The following UCHL5 variants were observed in gnomAD, a reference collection of about 807,000 sequenced individuals.
UCHL5 encodes ubiquitin carboxyl-terminal hydrolase isozyme L5.
Under a neutral mutation model 53.8 loss-of-function variants are expected in UCHL5, and 34 were observed. The observed-to-expected ratio is 0.63, with a 90% confidence interval of 0.48 to 0.84. The LOEUF is 0.84. Ranked by LOEUF, UCHL5 falls within the 40% of genes least tolerant of loss-of-function variation. The pLI is 0.00. For synonymous variants in UCHL5, 111 were observed against 126.3 expected (o/e 0.88, Z 0.81); for missense variants, 290 against 385.6 (o/e 0.75, Z 2.08).
At chr1:193,021,772 T>C (rs1294401737) in intron 9 of UCHL5, among the ~76,000 whole-genome samples, 3 of 152,242 alleles carry the variant, frequency 2.0e-5, no homozygotes, top group African/African-American at 7.2e-5. Context: ...CCATCTCTTA[T>C]AAATTCATTT....
intron 1 of UCHL5, among the ~76,000 whole-genome samples, chr1:193,055,683 A>G (rs1670412546): frequency 6.6e-6 from 1 of 152,230 alleles, no homozygotes. Flanking sequence ...AATATGGTGC[A>G]TTACATTGAT....
rs949327326 is a variant in UCHL5 at position 193,015,669 on chromosome 1, C to A, written c.*682G>T. On this transcript the variant is annotated 3_prime_UTR_variant, in exon 11 of 11. Transcript: ENST00000367454. ...TTTAAGATTTACAATTTCTTCTTAA[C>A]CTGAAATTTTGCTTTGAAGCATAAT... 1 of 151,966 alleles carries A rather than the reference C, an allele frequency of 6.6e-6. No homozygotes were observed. The highest frequency in any genetic ancestry group is 1.9e-4 in the East Asian group (1 of 5,194). The allele number at this position is 151,966 out of a possible 1,614,324, so 9.4% of individuals were successfully genotyped here. A position where few individuals can be genotyped will look rare whatever the true frequency, so the allele number is the denominator to read the frequency against.
At chr1:193,041,113 A>AT (rs765947726) in intron 3 of UCHL5, among the ~76,000 whole-genome samples, 1 of 152,186 alleles carries the variant, frequency 6.6e-6, no homozygotes, top group East Asian at 1.9e-4. Context: ...AATCTATCAT[A>AT]TATTTCAAAA....
At chr1:193,020,970 A>G (rs1656779607) in intron 10 of UCHL5, 127 bp downstream of exon 10, 1 of 664,188 alleles carries the variant, frequency 1.5e-6, no homozygotes, top group Non-Finnish European at 2.5e-6. Context: ...CAAGAGGCAA[A>G]AGCAAAAGAA....
At chr1:193,035,576 T>G (rs72738594) in intron 3 of UCHL5, among the ~76,000 whole-genome samples, 8,767 of 152,140 alleles carry the variant, frequency 0.058, 345 homozygotes, top group Non-Finnish European at 0.088. Flanking sequence ...CGAGACTTGT[T>G]TTATGAGAAA....
intron 6 of UCHL5, among the ~76,000 whole-genome samples, chr1:193,028,849 G>A (rs1212342419): frequency 1.3e-5 from 2 of 152,030 alleles, no homozygotes; most frequent in African/African-American, 2.4e-5. Context: ...TATCCCTTAC[G>A]AATGGGTTAA....
At chr1:193,032,491 C>A (rs990047598) in intron 3 of UCHL5, among the ~76,000 whole-genome samples, 1 of 152,070 alleles carries the variant, frequency 6.6e-6, no homozygotes, top group African/African-American at 2.4e-5. Flanking sequence ...ACTAAAACAC[C>A]AAAAGCAATT....
intron 8 of UCHL5, 43 bp downstream of exon 8, chr1:193,023,801 A>C: frequency 6.9e-7 from 1 of 1,444,336 alleles, no homozygotes; most frequent in Non-Finnish European, 9.6e-7. Flanking sequence ...TCCTGAGAGA[A>C]TAACCAAGCT....
At position 193,012,533 on chromosome 1, in the gene UCHL5, G is replaced by C. The variant is rs1328621382; in HGVS notation, c.*3818C>G. ...AATCCACTTGTACAGTGTTAGTTCA[G>C]TACTAGAGAAGTTCTGCCTATATGC... On this transcript the variant is annotated 3_prime_UTR_variant, in exon 11 of 11. Transcript: ENST00000367454. The C allele has an allele frequency of 6.6e-6, 1 of 152,044 alleles. No homozygotes were observed. The highest frequency in any genetic ancestry group is 1.5e-5 in the Non-Finnish European group (1 of 68,006). 9.4% of individuals were successfully genotyped at this position (152,044 alleles called of 1,614,324 possible).
At chr1:193,052,371 G>A (rs1669326600) in intron 1 of UCHL5, among the ~76,000 whole-genome samples, 1 of 152,144 alleles carries the variant, frequency 6.6e-6, no homozygotes, top group African/African-American at 2.4e-5. Context: ...ATTTGGCAAT[G>A]ATAGACTTTT....
At position 193,013,469 on chromosome 1, in the gene UCHL5, G is replaced by A. The variant is rs1654448129; in HGVS notation, c.*2882C>T. On this transcript the variant is annotated 3_prime_UTR_variant, in exon 11 of 11. Coordinates refer to ENST00000367454, the MANE Select transcript of UCHL5 (RefSeq NM_001199261.3). ...TCATAGAACTATTTCAGACTATGGGGAGGGCAAGCAAGACTAACACACAAA... is the reference window on the plus strand; with the variant it reads ...TCATAGAACTATTTCAGACTATGGGAAGGGCAAGCAAGACTAACACACAAA... 6.6e-6 allele frequency: 1 copy of A among 152,148 alleles called. No homozygotes were observed. The highest frequency in any genetic ancestry group is 1.5e-5 in the Non-Finnish European group (1 of 68,028). 9.4% of individuals were successfully genotyped at this position (152,148 alleles called of 1,614,324 possible). A position where few individuals can be genotyped will look rare whatever the true frequency, so the allele number is the denominator to read the frequency against.
At chr1:193,018,584 C>A in intron 10 of UCHL5, 1 of 1,225,256 alleles carries the variant, frequency 8.2e-7, no homozygotes, top group Non-Finnish European at 1.0e-6. Context: ...TAGGTTCTAA[C>A]CAAGTTCATT....
Position 193,023,888 on chromosome 1 carries a change from T to A in UCHL5, c.688A>T (p.Ile230Leu). The change falls in exon 8 of 11, where the codon ATA becomes TTA. Residue 230 changes from isoleucine (I) to leucine (L), a missense_variant. Physicochemically the swap from Ile to Leu is conservative, Grantham distance 5 (BLOSUM62 2). Coordinates refer to ENST00000367454, the MANE Select transcript of UCHL5 (RefSeq NM_001199261.3). The part of the protein sequence containing the change: ...LMAIVSDRKM[I>L]YEQKIAELQR... Reference sequence around the variant, plus strand: ...AACTCTGCTATCTTCTGCTCATATATCATTTTTCTGTCAGACACAATGGCC... The same window carrying A: ...AACTCTGCTATCTTCTGCTCATATAACATTTTTCTGTCAGACACAATGGCC... 1 of 1,613,196 alleles carries A rather than the reference T, an allele frequency of 6.2e-7. No individual in the cohort carries two copies. The highest frequency in any genetic ancestry group is 8.5e-7 in the Non-Finnish European group (1 of 1,179,746).
chr1:193,028,077 G>A lies in UCHL5; in HGVS notation c.629+8C>T, dbSNP rs772782858. The A allele has an allele frequency of 2.5e-6, 4 of 1,602,824 alleles. No homozygotes were observed. The highest frequency in any genetic ancestry group is 3.4e-6 in the Non-Finnish European group (4 of 1,177,304). ...ATATTATGCCAATGAGATTAGCTGAGCATTTACTTTTGTATCCTTTTTTCT... is the reference window on the plus strand; with the variant it reads ...ATATTATGCCAATGAGATTAGCTGAACATTTACTTTTGTATCCTTTTTTCT... On this transcript the variant is annotated splice_region_variant and intron_variant, in intron 7 of 10. Transcript: ENST00000367454.
rs1240498477 is a variant in UCHL5, at chr1:193,028,156, GA to G, written c.566-9del. 1 of 1,580,674 alleles carries G rather than the reference GA, an allele frequency of 6.3e-7. No homozygotes were observed. ...CATCTTGATTGCATGCACCTAGAAA[GA>G]AATTTTAAAACAGTTAACACAAATA... On this transcript the variant is annotated splice_polypyrimidine_tract_variant and intron_variant, in intron 6 of 10. Coordinates refer to ENST00000367454, the MANE Select transcript of UCHL5 (RefSeq NM_001199261.3).
chr1:193,013,757 A>G lies in UCHL5; in HGVS notation c.*2594T>C, dbSNP rs1446618127. 1 of 152,168 alleles carries G rather than the reference A, an allele frequency of 6.6e-6. No individual in the cohort carries two copies. Among genetic ancestry groups the G allele is most frequent in the African/African-American group, 2.4e-5 (1 of 41,440 alleles). 9.4% of individuals were successfully genotyped at this position (152,168 alleles called of 1,614,324 possible). On this transcript the variant is annotated 3_prime_UTR_variant, in exon 11 of 11. Transcript: ENST00000367454. Reference sequence around the variant, plus strand: ...GGATTAATTGAAAGTATTAATCTGCATGTAACACCATAATATACACACAAA... The same window carrying G: ...GGATTAATTGAAAGTATTAATCTGCGTGTAACACCATAATATACACACAAA...
At chr1:193,050,177 T>C (rs1271043058) in intron 2 of UCHL5, among the ~76,000 whole-genome samples, 2 of 152,198 alleles carry the variant, frequency 1.3e-5, no homozygotes, top group East Asian at 1.9e-4. Context: ...CTCCAAAATA[T>C]ATAAAGTTCA....
At chr1:193,024,263 A>T (rs1658310824) in intron 7 of UCHL5, among the ~76,000 whole-genome samples, 1 of 151,820 alleles carries the variant, frequency 6.6e-6, no homozygotes, top group South Asian at 2.1e-4. Context: ...AACAAAAAAA[A>T]GCTTTCATAT....
At position 193,015,753 on chromosome 1, in the gene UCHL5, A is replaced by C. The variant is rs1230978684; in HGVS notation, c.*598T>G. On this transcript the variant is annotated 3_prime_UTR_variant, in exon 11 of 11. Coordinates refer to ENST00000367454, the MANE Select transcript of UCHL5 (RefSeq NM_001199261.3). ...TAAACAAATAACCCCAAACACTTGA[A>C]GAAAATTTACTAAAATAAAATTGAG... 6.6e-6 allele frequency: 1 copy of C among 152,108 alleles called. No homozygotes were observed. The highest frequency in any genetic ancestry group is 2.4e-5 in the African/African-American group (1 of 41,464). 9.4% of individuals were successfully genotyped at this position (152,108 alleles called of 1,614,324 possible).
Sources: allele counts gnomAD v4.1 joint callset (sites outside exome capture counted in the v4.1 genomes callset), GRCh38; gene constraint gnomAD v4.1.1; transcripts MANE v1.5; gene names NCBI Gene and HGNC (gene_info 2026-07-23, HGNC 2026-07-21).